Variants in TSPAN5 observed in about 807,000 individuals in gnomAD.
The protein encoded by TSPAN5 is tetraspanin-5.
Under a neutral mutation model 37.1 loss-of-function variants are expected in TSPAN5, and 10 were observed. That is an observed-to-expected ratio of 0.27 (90% confidence interval 0.17 to 0.46). The LOEUF is 0.46. TSPAN5 is among the 20% of genes least tolerant of loss of function. TSPAN5 has a pLI of 1.00. For synonymous variants in TSPAN5, 110 were observed against 118.9 expected, an observed-to-expected ratio of 0.93 and a Z score of 0.48; for missense variants, 195 against 326.6, an observed-to-expected ratio of 0.60 and a Z score of 3.11.
intron 1 of TSPAN5, among the ~76,000 whole-genome samples, chr4:98,656,356 G>A (rs868205452): frequency 7.9e-5 from 12 of 152,128 alleles, no homozygotes; most frequent in African/African-American, 2.9e-4. Flanking sequence ...GCTAAAATGT[G>A]CAACTTTTAG....
chr4:98,478,898 G>A, intron 4 of TSPAN5, 88 bp from the exon 5 acceptor site: 1 of 1,509,178 alleles, frequency 6.6e-7, no homozygotes, highest in Non-Finnish European at 9.1e-7. Context: ...ACCAGCTTCT[G>A]CCAGCTCTGA....
chr4:98,645,160 C>T (rs1017833361), intron 1 of TSPAN5, among the ~76,000 whole-genome samples: 2 of 152,126 alleles, frequency 1.3e-5, no homozygotes, highest in East Asian at 1.9e-4. Flanking sequence ...AGGAGAAAGT[C>T]TCCATTTGAT....
chr4:98,657,178 C>A (rs1757310069), intron 1 of TSPAN5, among the ~76,000 whole-genome samples: 1 of 152,198 alleles, frequency 6.6e-6, no homozygotes, highest in East Asian at 1.9e-4. Context: ...GGCTGCTGAA[C>A]ACGTTTGCCA....
chr4:98,519,111 A>G (rs956699378), intron 1 of TSPAN5, among the ~76,000 whole-genome samples: 1 of 152,166 alleles, frequency 6.6e-6, no homozygotes, highest in African/African-American at 2.4e-5. Context: ...AGGAAGAGGC[A>G]GCCGCAGCAA....
intron 1 of TSPAN5, among the ~76,000 whole-genome samples, chr4:98,556,100 T>C (rs1197985408): frequency 7.5e-6 from 1 of 133,778 alleles, no homozygotes; most frequent in Non-Finnish European, 1.5e-5. Context: ...AACTGGCATC[T>C]TCACCTACTA....
intron 1 of TSPAN5, among the ~76,000 whole-genome samples, chr4:98,536,506 C>T (rs1754236914): frequency 6.6e-6 from 1 of 152,234 alleles, no homozygotes; most frequent in African/African-American, 2.4e-5. Context: ...CAGGCTGACC[C>T]TCAGCAGAGC....
At chr4:98,645,961 T>C (rs924216885) in intron 1 of TSPAN5, among the ~76,000 whole-genome samples, 25 of 152,190 alleles carry the variant, frequency 1.6e-4, no homozygotes, top group African/African-American at 5.5e-4. Context: ...GTTTTCAGCA[T>C]GCCTTCTGCA....
At chr4:98,566,886 G>A (rs12644470) in intron 1 of TSPAN5, among the ~76,000 whole-genome samples, 3,381 of 152,274 alleles carry the variant, frequency 0.022, 203 homozygotes, top group East Asian at 0.21. Flanking sequence ...TGGGGCCAAC[G>A]AACAAGCCTC....
chr4:98,548,019 AAAAAAAAAG>A (rs1578983747), intron 1 of TSPAN5, among the ~76,000 whole-genome samples: 1 of 130,872 alleles, frequency 7.6e-6, no homozygotes, highest in East Asian at 2.2e-4. Flanking sequence ...CTCAAAAAAA[AAAAAAAAAG>A]AAAAAGAAAA....
chr4:98,492,662 A>C (rs749705516), intron 2 of TSPAN5, among the ~76,000 whole-genome samples: 3 of 152,160 alleles, frequency 2.0e-5, no homozygotes, highest in Non-Finnish European at 4.4e-5. Context: ...TTAAATGGTC[A>C]TTTTCCCCAG....
chr4:98,548,839 C>G (rs28502504), intron 1 of TSPAN5, among the ~76,000 whole-genome samples: 14,654 of 151,898 alleles, frequency 0.096, 1,274 homozygotes, highest in African/African-American at 0.23. Flanking sequence ...CCATGTTGCT[C>G]CAAAAGACAA....
At chr4:98,514,033 C>T (rs1753675679) in intron 1 of TSPAN5, among the ~76,000 whole-genome samples, 1 of 152,016 alleles carries the variant, frequency 6.6e-6, no homozygotes, top group African/African-American at 2.4e-5. Context: ...TAACAGCACA[C>T]AAGGTAAATA....
chr4:98,485,963 G>A (rs111753059), intron 3 of TSPAN5, among the ~76,000 whole-genome samples: 11 of 151,950 alleles, frequency 7.2e-5, no homozygotes, highest in South Asian at 4.2e-4. Flanking sequence ...TGGATGCTTC[G>A]TATAGAGAGC....
At chr4:98,614,050 A>C (rs1029805210) in intron 1 of TSPAN5, among the ~76,000 whole-genome samples, 7 of 152,162 alleles carry the variant, frequency 4.6e-5, no homozygotes, top group Non-Finnish European at 1.0e-4. Flanking sequence ...TTTTCCAAAC[A>C]ACCACCAACT....
At chr4:98,544,728 A>G (rs915154368) in intron 1 of TSPAN5, among the ~76,000 whole-genome samples, 7 of 152,238 alleles carry the variant, frequency 4.6e-5, no homozygotes, top group African/African-American at 1.7e-4. Flanking sequence ...GGGTGGCTAA[A>G]AAGAACATCT....
chr4:98,628,153 A>G (rs988490448), intron 1 of TSPAN5, among the ~76,000 whole-genome samples: 3 of 152,230 alleles, frequency 2.0e-5, no homozygotes, highest in African/African-American at 7.2e-5. Context: ...ACACAAAAGT[A>G]CAAACGTAAA....
rs1332422184 is a variant in TSPAN5, at chr4:98,490,223, C to T, written c.133-3339G>A. On this transcript the variant is annotated intron_variant, in intron 2 of 7. Transcript: ENST00000305798. ...TAAAGAGCTCAGTGGGTAACAAAGA[C>T]GATGATCTGAGCAACTCAGCAAAGC... 3.9e-5 allele frequency among the ~76,000 whole-genome samples: 6 copies of T among 152,102 alleles called. 1 individual carries two copies. Among genetic ancestry groups the T allele is most frequent in the East Asian group, 3.9e-4 (2 of 5,190 alleles).
intron 1 of TSPAN5, among the ~76,000 whole-genome samples, chr4:98,557,575 A>C (rs1452247486): frequency 6.6e-6 from 1 of 152,262 alleles, no homozygotes; most frequent in East Asian, 1.9e-4. Context: ...GAGAATTCCA[A>C]ATAATTTATG....
intron 2 of TSPAN5, among the ~76,000 whole-genome samples, chr4:98,495,463 T>C: frequency 6.7e-6 from 1 of 149,058 alleles, no homozygotes; most frequent in African/African-American, 2.5e-5. Context: ...AGGCGGACCT[T>C]GCCCACGCCA....
Sources: allele counts gnomAD v4.1 joint callset (sites outside exome capture counted in the v4.1 genomes callset), GRCh38; gene constraint gnomAD v4.1.1; transcripts MANE v1.5; gene names NCBI Gene and HGNC (gene_info 2026-07-23, HGNC 2026-07-21).